TTLL5: variants seen among roughly 807,000 people sequenced by gnomAD.
TTLL5 encodes tubulin tyrosine ligase like 5.
Under a neutral mutation model 168.4 loss-of-function variants are expected in TTLL5, and 132 were observed. The observed-to-expected ratio is 0.78, with a 90% CI of 0.68 to 0.91. The LOEUF (loss-of-function observed/expected upper bound fraction) is 0.91, where lower values mean the gene tolerates loss of function less well. Ranked by LOEUF, TTLL5 falls within the 40% of genes least tolerant of loss-of-function variation. The probability of loss-of-function intolerance (pLI) is 0.00; values close to 1 mark genes in which losing one functional copy is unlikely to be tolerated. For missense variants in TTLL5, 1,545 were observed against 1,581.5 expected, an observed-to-expected ratio of 0.98 and a Z score of 0.39; for synonymous variants, 546 against 558.6, an observed-to-expected ratio of 0.98 and a Z score of 0.32.
chr14:75,791,166 C>G (rs936220421), intron 26 of TTLL5, among the ~76,000 whole-genome samples: 2 of 148,154 alleles, frequency 1.3e-5, no homozygotes, highest in African/African-American at 5.1e-5. Context: ...AATTTACATA[C>G]TTTGTGACCC....
intron 20 of TTLL5, 44 bp from the exon 21 acceptor site, chr14:75,771,690 T>A (rs1595008773): frequency 6.2e-7 from 1 of 1,610,738 alleles, no homozygotes; most frequent in East Asian, 2.2e-5. Flanking sequence ...TTTGTAGTTT[T>A]ACACTTCTGT....
chr14:75,795,547 C>T (rs1892955620), intron 27 of TTLL5, among the ~76,000 whole-genome samples: 1 of 152,068 alleles, frequency 6.6e-6, no homozygotes, highest in African/African-American at 2.4e-5. Flanking sequence ...ACACTGTACC[C>T]AATGTGCAGT....
At chr14:75,760,035 A>T (rs1476233621) in intron 18 of TTLL5, among the ~76,000 whole-genome samples, 1 of 152,090 alleles carries the variant, frequency 6.6e-6, no homozygotes, top group Non-Finnish European at 1.5e-5. Flanking sequence ...AGAAATGCAC[A>T]CAGATTGGAA....
At chr14:75,886,195 A>C (rs950296637) in intron 30 of TTLL5, among the ~76,000 whole-genome samples, 3 of 152,226 alleles carry the variant, frequency 2.0e-5, no homozygotes, top group Admixed American at 1.3e-4. Flanking sequence ...ATATAGAAGC[A>C]ATTTCCAAGA....
intron 6 of TTLL5, among the ~76,000 whole-genome samples, chr14:75,695,761 G>A (rs1269348173): frequency 1.3e-5 from 2 of 151,506 alleles, no homozygotes; most frequent in Non-Finnish European, 2.9e-5. Context: ...CAAAGTAGAG[G>A]GTACTGTCTC....
chr14:75,910,584 A>T (rs556447435), intron 31 of TTLL5, among the ~76,000 whole-genome samples: 3 of 152,364 alleles, frequency 2.0e-5, no homozygotes, highest in African/African-American at 7.2e-5. Flanking sequence ...ATTGCTCCTG[A>T]AAGTTCTAAA....
At chr14:75,720,319 G>C (rs917246356) in intron 11 of TTLL5, among the ~76,000 whole-genome samples, 1 of 152,150 alleles carries the variant, frequency 6.6e-6, no homozygotes, top group Non-Finnish European at 1.5e-5. Flanking sequence ...AGGGTCATAG[G>C]GGAAGTGTGA....
intron 27 of TTLL5, among the ~76,000 whole-genome samples, chr14:75,795,450 T>G (rs1363026619): frequency 6.6e-6 from 1 of 152,162 alleles, no homozygotes. Context: ...AGTAGGTTTT[T>G]GGGGGAACAG....
At chr14:75,823,739 G>A (rs1445137323) in intron 28 of TTLL5, among the ~76,000 whole-genome samples, 1 of 152,074 alleles carries the variant, frequency 6.6e-6, no homozygotes, top group Admixed American at 6.6e-5. Context: ...TTTGTGATAG[G>A]ACAAGACATT....
At position 75,669,413 on chromosome 14, in the gene TTLL5, T is replaced by A. The variant is rs117173802; in HGVS notation, c.75-3T>A. The stretch of plus-strand genomic sequence containing the variant: ...ATTAATGAAGGCTTTTTTGTCGTTA[T>A]AGGGATCATCCATGCATCATGTGGA... On this transcript the variant is annotated splice_region_variant and splice_polypyrimidine_tract_variant and intron_variant, in intron 2 of 31. Coordinates refer to ENST00000298832, the MANE Select transcript of TTLL5 (RefSeq NM_015072.5). 2.5e-6 allele frequency: 4 copies of A among 1,611,992 alleles called. No homozygotes were observed. The highest frequency in any genetic ancestry group is 2.5e-6 in the Non-Finnish European group (3 of 1,178,666).
intron 3 of TTLL5, among the ~76,000 whole-genome samples, chr14:75,674,940 A>T (rs1009750643): frequency 6.6e-6 from 1 of 152,106 alleles, no homozygotes; most frequent in African/African-American, 2.4e-5. Context: ...AATATTTTAT[A>T]TCTAGTATAT....
chr14:75,770,787 C>T (rs1316735600), intron 20 of TTLL5, among the ~76,000 whole-genome samples: 2 of 152,234 alleles, frequency 1.3e-5, no homozygotes, highest in Non-Finnish European at 2.9e-5. Context: ...GCCCACTGAA[C>T]ATCTGGGCTT....
chr14:75,780,421 T>G (rs1891978646), intron 24 of TTLL5, among the ~76,000 whole-genome samples: 1 of 152,166 alleles, frequency 6.6e-6, no homozygotes, highest in African/African-American at 2.4e-5. Context: ...TTGGGGATTT[T>G]GGAATTGAAT....
chr14:75,914,052 A>ATATATATATATATATG (rs1304496430), intron 31 of TTLL5, among the ~76,000 whole-genome samples: 3 of 122,380 alleles, frequency 2.5e-5, no homozygotes, highest in East Asian at 5.2e-4. Flanking sequence ...ATATATATAT[A>ATATATATATATATATG]TATTTTATCC....
intron 27 of TTLL5, chr14:75,814,752 C>T (rs1478445204): frequency 6.6e-6 from 1 of 152,154 alleles, no homozygotes; most frequent in Non-Finnish European, 1.5e-5. Flanking sequence ...AATCTGTATA[C>T]GTAACATTTA....
In TTLL5 at chr14:75,954,473, G is replaced by A. The variant is rs2035055497; in HGVS notation, c.*27G>A. The A allele has an allele frequency of 6.2e-7, 1 of 1,612,958 alleles. No individual in the cohort carries two copies. Among genetic ancestry groups the A allele is most frequent in the East Asian group, 2.2e-5 (1 of 44,852 alleles). ...CCACAAACACACAGAGAAACAACCT[G>A]TTCACCACTCCTGGGTGCATGATTG... On this transcript the variant is annotated 3_prime_UTR_variant, in exon 32 of 32. Transcript: ENST00000298832.
intron 2 of TTLL5, among the ~76,000 whole-genome samples, chr14:75,667,365 G>C (rs951418982): frequency 3.3e-5 from 5 of 152,214 alleles, no homozygotes; most frequent in African/African-American, 1.2e-4. Context: ...TGTAGTTTAG[G>C]CTGCCTGTTT....
intron 27 of TTLL5, among the ~76,000 whole-genome samples, chr14:75,813,539 A>G (rs1378743571): frequency 1.3e-5 from 2 of 152,048 alleles, no homozygotes; most frequent in African/African-American, 2.4e-5. Context: ...CTGGGCTCCA[A>G]CGATCCACAT....
chr14:75,869,013 A>AGTGTGTGGGTGT (rs2030777102), intron 29 of TTLL5, among the ~76,000 whole-genome samples: 1 of 124,418 alleles, frequency 8.0e-6, no homozygotes, highest in African/African-American at 3.1e-5. Context: ...AGAGGGGAGG[A>AGTGTGTGGGTGT]GTGTGTGTGT....
Sources: allele counts gnomAD v4.1 joint callset (sites outside exome capture counted in the v4.1 genomes callset), GRCh38; gene constraint gnomAD v4.1.1; transcripts MANE v1.5; gene names NCBI Gene and HGNC (gene_info 2026-07-23, HGNC 2026-07-21).